TAS2R1: variants seen among roughly 807,000 people sequenced by gnomAD.
The protein encoded by TAS2R1 is taste receptor type 2 member 1.
For synonymous variants in TAS2R1, 141 were observed against 134.2 expected (o/e 1.05, Z -0.35); for missense variants, 370 against 353.4 (o/e 1.05, Z -0.38).
the TAS2R1 span, among the ~76,000 whole-genome samples, chr5:9,727,374 A>C: frequency 3.9e-5 from 6 of 152,250 alleles, no homozygotes; most frequent in Non-Finnish European, 8.8e-5. Context: ...GAGTTAACTG[A>C]CATGATGTTT....
chr5:9,666,833 T>C (rs1740643448), intron 1 of TAS2R1, among the ~76,000 whole-genome samples: 1 of 152,220 alleles, frequency 6.6e-6, no homozygotes, highest in Non-Finnish European at 1.5e-5. Flanking sequence ...AATTCTATTA[T>C]ATACTATCCC....
chr5:9,805,014 A>G, the TAS2R1 span, among the ~76,000 whole-genome samples: 1 of 152,074 alleles, frequency 6.6e-6, no homozygotes, highest in African/African-American at 2.4e-5. Context: ...AACAAAAAAA[A>G]GAAGACAGAA....
At chr5:9,727,046 G>C in the TAS2R1 span, among the ~76,000 whole-genome samples, 5 of 152,142 alleles carry the variant, frequency 3.3e-5, no homozygotes, top group Admixed American at 1.3e-4. Flanking sequence ...TTTCATATTA[G>C]TAGTACAAGT....
chr5:9,753,423 G>A, the TAS2R1 span, among the ~76,000 whole-genome samples: 1 of 152,146 alleles, frequency 6.6e-6, no homozygotes, highest in African/African-American at 2.4e-5. Flanking sequence ...AAATTTTTGA[G>A]TTCATTGTAG....
At chr5:9,727,485 T>C in the TAS2R1 span, among the ~76,000 whole-genome samples, 5 of 152,156 alleles carry the variant, frequency 3.3e-5, no homozygotes, top group African/African-American at 1.2e-4. Context: ...GCCATGAGAA[T>C]GCTTTGGAGA....
At chr5:9,635,117 C>T (rs749165613), upstream of TAS2R1, among the ~76,000 whole-genome samples, 16 of 151,908 alleles carry the variant, frequency 1.1e-4, no homozygotes, top group Non-Finnish European at 4.4e-5. Flanking sequence ...TGAGGTATGT[C>T]CCTTCTATGC....
the TAS2R1 span, among the ~76,000 whole-genome samples, chr5:9,881,196 T>C: frequency 6.6e-6 from 1 of 151,936 alleles, no homozygotes; most frequent in South Asian, 2.1e-4. Context: ...CAAGCATTCC[T>C]ATATACAAGC....
Position 9,629,108 on chromosome 5 carries a change from T to A in TAS2R1, c.*25A>T. On this transcript the variant is annotated 3_prime_UTR_variant, in exon 1 of 1. Coordinates refer to ENST00000382492, the MANE Select transcript of TAS2R1 (RefSeq NM_019599.3). ...ATGGGTAAATCATTGAATCATGGGTTCTTTGAACTGATCCAACTTCTCTCT... is the reference window on the plus strand; with the variant it reads ...ATGGGTAAATCATTGAATCATGGGTACTTTGAACTGATCCAACTTCTCTCT... 1 of 1,524,284 alleles carries A rather than the reference T, an allele frequency of 6.6e-7. No individual in the cohort carries two copies. The highest frequency in any genetic ancestry group is 8.8e-7 in the Non-Finnish European group (1 of 1,139,534). The allele number at this position is 1,524,284 out of a possible 1,614,324, so 94.4% of individuals were successfully genotyped here. A position where few individuals can be genotyped will look rare whatever the true frequency, so the allele number is the denominator to read the frequency against.
At chr5:9,872,610 T>A in the TAS2R1 span, among the ~76,000 whole-genome samples, 3 of 152,192 alleles carry the variant, frequency 2.0e-5, no homozygotes, top group Admixed American at 6.5e-5. Context: ...TTTTAAAATC[T>A]AAAATTGGAA....
the TAS2R1 span, among the ~76,000 whole-genome samples, chr5:9,736,921 C>T: frequency 2.0e-5 from 3 of 152,216 alleles, no homozygotes; most frequent in African/African-American, 7.2e-5. Context: ...GTTAGAAATG[C>T]CCCCACCCTT....
chr5:9,796,310 C>T, the TAS2R1 span, among the ~76,000 whole-genome samples: 1 of 152,202 alleles, frequency 6.6e-6, no homozygotes, highest in Non-Finnish European at 1.5e-5. Context: ...CTCATATCTA[C>T]CCCACTGGGC....
chr5:9,711,736 C>T lies in TAS2R1; in HGVS notation c.-242+436G>A, dbSNP rs560331049. Among the ~76,000 whole-genome samples, 11 of 152,246 alleles carry T rather than the reference C, an allele frequency of 7.2e-5. No individual in the cohort carries two copies. In the East Asian group the frequency reaches 1.4e-3, roughly 19 times the overall value. On this transcript the variant is annotated intron_variant, in intron 1 of 2. Transcript: ENST00000506620. Reference sequence around the variant, plus strand: ...AGGCTGGAGCGCAGTGGTGCAATCTCGCTGCAAACTCTACCTCCCAGGTTT... The same window carrying T: ...AGGCTGGAGCGCAGTGGTGCAATCTTGCTGCAAACTCTACCTCCCAGGTTT...
At chr5:9,665,225 G>A (rs1452352827) in intron 1 of TAS2R1, among the ~76,000 whole-genome samples, 2 of 152,192 alleles carry the variant, frequency 1.3e-5, no homozygotes, top group Non-Finnish European at 2.9e-5. Context: ...ATCAAGCCCT[G>A]CTCATGCCTT....
At chr5:9,707,099 C>T (rs1203945644) in intron 1 of TAS2R1, among the ~76,000 whole-genome samples, 1 of 152,146 alleles carries the variant, frequency 6.6e-6, no homozygotes, top group African/African-American at 2.4e-5. Flanking sequence ...TTTCTAACAG[C>T]AGTCACTGCC....
intron 1 of TAS2R1, among the ~76,000 whole-genome samples, chr5:9,684,501 A>G (rs899805339): frequency 1.3e-5 from 2 of 152,204 alleles, no homozygotes; most frequent in African/African-American, 4.8e-5. Context: ...GGGTGGATAC[A>G]CAATAGCTTA....
chr5:9,876,685 C>A, the TAS2R1 span, among the ~76,000 whole-genome samples: 1 of 152,092 alleles, frequency 6.6e-6, no homozygotes, highest in Admixed American at 6.5e-5. Context: ...AAAGAGCTAA[C>A]CTAAAAATGC....
At chr5:9,851,354 T>C in the TAS2R1 span, among the ~76,000 whole-genome samples, 1 of 152,102 alleles carries the variant, frequency 6.6e-6, no homozygotes, top group Non-Finnish European at 1.5e-5. Flanking sequence ...TGGCCTTTGG[T>C]GTACATTACA....
At chr5:9,698,111 G>T (rs1007324865) in intron 1 of TAS2R1, among the ~76,000 whole-genome samples, 4 of 152,042 alleles carry the variant, frequency 2.6e-5, no homozygotes, top group Non-Finnish European at 5.9e-5. Context: ...AAGCACTAAG[G>T]AATAAATTCA....
At chr5:9,802,890 G>A in the TAS2R1 span, among the ~76,000 whole-genome samples, 14 of 152,184 alleles carry the variant, frequency 9.2e-5, no homozygotes, top group South Asian at 2.1e-4. Context: ...GCAACACAGC[G>A]AGACTCCGTC....
Sources: allele counts gnomAD v4.1 joint callset (sites outside exome capture counted in the v4.1 genomes callset), GRCh38; gene constraint gnomAD v4.1.1; transcripts MANE v1.5; gene names NCBI Gene and HGNC (gene_info 2026-07-23, HGNC 2026-07-21).